TTC28: variants seen among roughly 807,000 people sequenced by gnomAD.
TTC28 encodes tetratricopeptide repeat domain 28.
Under a neutral mutation model 198.0 loss-of-function variants are expected in TTC28, and 61 were observed. The observed-to-expected ratio is 0.31, with a 90% CI of 0.25 to 0.38. The LOEUF (loss-of-function observed/expected upper bound fraction) is 0.38. Ranked by LOEUF, TTC28 falls within the 10% of genes least tolerant of loss-of-function variation. The pLI is 1.00. For synonymous variants in TTC28, 1,171 were observed against 1,297.8 expected (o/e 0.90, Z 2.10); for missense variants, 2,678 against 3,164.0 (o/e 0.85, Z 3.69).
intron 2 of TTC28, among the ~76,000 whole-genome samples, chr22:28,526,643 C>T (rs2049009489): frequency 6.6e-6 from 1 of 152,164 alleles, no homozygotes; most frequent in African/African-American, 2.4e-5. Flanking sequence ...TCAATATCTG[C>T]TCTGAAATCC....
intron 6 of TTC28, among the ~76,000 whole-genome samples, chr22:28,110,935 TAA>T (rs796954055): frequency 3.8e-4 from 51 of 133,090 alleles, no homozygotes; most frequent in Admixed American, 3.8e-4. Flanking sequence ...ACCCTGCCTT[TAA>T]AAAAAAAAAA....
chr22:28,630,520 T>A (rs1489623961), intron 1 of TTC28, among the ~76,000 whole-genome samples: 1 of 152,184 alleles, frequency 6.6e-6, no homozygotes, highest in Non-Finnish European at 1.5e-5. Context: ...TTCACTATGT[T>A]GCCCAGGTTG....
chr22:28,541,431 A>C (rs1280132080), intron 2 of TTC28, among the ~76,000 whole-genome samples: 1 of 152,188 alleles, frequency 6.6e-6, no homozygotes, highest in Non-Finnish European at 1.5e-5. Flanking sequence ...CCTCCAAAAG[A>C]AGCAGCTACT....
At chr22:28,338,564 C>G (rs926311964) in intron 2 of TTC28, among the ~76,000 whole-genome samples, 8 of 152,132 alleles carry the variant, frequency 5.3e-5, no homozygotes, top group Non-Finnish European at 8.8e-5. Flanking sequence ...CTCTAAACTT[C>G]TCTTCTCGCT....
intron 2 of TTC28, among the ~76,000 whole-genome samples, chr22:28,328,252 C>A (rs377469977): frequency 6.6e-6 from 1 of 151,852 alleles, no homozygotes. Context: ...GGCAACATAG[C>A]AAGACCCCCC....
chr22:28,296,005 T>C (rs1354204736), intron 5 of TTC28, among the ~76,000 whole-genome samples, 193 bp downstream of exon 5: 1 of 152,186 alleles, frequency 6.6e-6, no homozygotes, highest in African/African-American at 2.4e-5. Context: ...TATTTCTATA[T>C]ATCCAAGGAC....
At chr22:28,078,256 T>C (rs1322561861) in intron 12 of TTC28, among the ~76,000 whole-genome samples, 3 of 152,178 alleles carry the variant, frequency 2.0e-5, no homozygotes, top group Non-Finnish European at 4.4e-5. Context: ...ATGGCTAGGC[T>C]GCGGGTAATT....
At chr22:28,376,417 G>A (rs1429931065) in intron 2 of TTC28, among the ~76,000 whole-genome samples, 1 of 152,166 alleles carries the variant, frequency 6.6e-6, no homozygotes, top group Non-Finnish European at 1.5e-5. Flanking sequence ...TTTTATAGAT[G>A]AGTAAACTTG....
At chr22:28,161,104 C>A (rs895469130) in intron 6 of TTC28, among the ~76,000 whole-genome samples, 2 of 151,990 alleles carry the variant, frequency 1.3e-5, no homozygotes, top group Admixed American at 6.5e-5. Flanking sequence ...CTTCATGAGT[C>A]AAAGAGAAAT....
At chr22:28,352,335 A>ATC (rs1491487550) in intron 2 of TTC28, among the ~76,000 whole-genome samples, 5 of 133,818 alleles carry the variant, frequency 3.7e-5, no homozygotes, top group Non-Finnish European at 8.1e-5. Context: ...ATATATATAT[A>ATC]TCTCCCGGTA....
At chr22:28,528,483 A>G (rs2049056456) in intron 2 of TTC28, among the ~76,000 whole-genome samples, 1 of 151,768 alleles carries the variant, frequency 6.6e-6, no homozygotes, top group Non-Finnish European at 1.5e-5. Flanking sequence ...TAATCCCAGA[A>G]CTTTGGGAGG....
intron 2 of TTC28, among the ~76,000 whole-genome samples, chr22:28,379,649 T>C (rs1349775217): frequency 1.3e-5 from 2 of 152,178 alleles, no homozygotes; most frequent in East Asian, 3.8e-4. Context: ...AGTTGTTTAA[T>C]GAGTACCAAG....
chr22:28,522,928 T>A (rs966913290), intron 2 of TTC28, among the ~76,000 whole-genome samples: 2 of 151,944 alleles, frequency 1.3e-5, no homozygotes, highest in Non-Finnish European at 2.9e-5. Flanking sequence ...GGGTTTCTTT[T>A]TGGAATGATA....
At chr22:28,552,889 T>C (rs2049706096) in intron 2 of TTC28, among the ~76,000 whole-genome samples, 1 of 151,342 alleles carries the variant, frequency 6.6e-6, no homozygotes, top group African/African-American at 2.4e-5. Context: ...CCTCCCTGCC[T>C]GATTCCCCTG....
At chr22:28,123,876 G>A (rs1248524803) in intron 6 of TTC28, among the ~76,000 whole-genome samples, 2 of 151,964 alleles carry the variant, frequency 1.3e-5, no homozygotes, top group African/African-American at 4.8e-5. Flanking sequence ...CCAGCTACTC[G>A]GGAGGCTGAG....
At chr22:28,427,376 G>A (rs1274887310) in intron 2 of TTC28, among the ~76,000 whole-genome samples, 1 of 152,092 alleles carries the variant, frequency 6.6e-6, no homozygotes, top group Admixed American at 6.5e-5. Flanking sequence ...AAAAAAGGCC[G>A]AGCGCGGTGG....
intron 6 of TTC28, among the ~76,000 whole-genome samples, chr22:28,131,065 G>C (rs1463004792): frequency 6.6e-6 from 1 of 152,160 alleles, no homozygotes; most frequent in Non-Finnish European, 1.5e-5. Context: ...AGCAAATACT[G>C]GTGATGCCTA....
chr22:28,373,870 A>G (rs1345201472), intron 2 of TTC28, among the ~76,000 whole-genome samples: 1 of 152,208 alleles, frequency 6.6e-6, no homozygotes, highest in Non-Finnish European at 1.5e-5. Flanking sequence ...AACATGGAAG[A>G]ACGAAGCCAT....
intron 2 of TTC28, among the ~76,000 whole-genome samples, chr22:28,495,455 G>A (rs544694487): frequency 6.6e-6 from 1 of 152,228 alleles, no homozygotes; most frequent in African/African-American, 2.4e-5. Flanking sequence ...TCCCAACCTC[G>A]AGTACTACAA....
Sources: gnomAD v4.1 joint callset for allele counts (sites outside exome capture counted in the v4.1 genomes callset) on GRCh38, gnomAD v4.1.1 for gene constraint, MANE v1.5 for transcripts, NCBI Gene and HGNC (gene_info 2026-07-23, HGNC 2026-07-21) for gene names.